LARP4B: variants seen among roughly 807,000 people sequenced by gnomAD.
The protein encoded by LARP4B is La ribonucleoprotein 4B.
Under a neutral mutation model 89.8 loss-of-function variants are expected in LARP4B, and 12 were observed. That is an observed-to-expected ratio of 0.13 (90% CI 0.09 to 0.22). LARP4B has a LOEUF of 0.22. LARP4B is among the 10% of genes least tolerant of loss of function. LARP4B has a pLI of 1.00. For synonymous variants in LARP4B, 367 were observed against 363.3 expected, an observed-to-expected ratio of 1.01 and a Z score of -0.12; for missense variants, 757 against 947.7, an observed-to-expected ratio of 0.80 and a Z score of 2.64.
At chr10:948,991 C>T in the LARP4B span, among the ~76,000 whole-genome samples, 2 of 152,344 alleles carry the variant, frequency 1.3e-5, no homozygotes, top group African/African-American at 4.8e-5. Context: ...GAACGTCAGT[C>T]TTCGTTTTCT....
chr10:862,464 G>A (rs369800096), intron 5 of LARP4B, among the ~76,000 whole-genome samples: 2 of 152,118 alleles, frequency 1.3e-5, no homozygotes, highest in South Asian at 4.1e-4. Flanking sequence ...CAAGTGGGGT[G>A]GGGGAGGGGA....
At chr10:885,188 G>A (rs1287908457) in intron 2 of LARP4B, among the ~76,000 whole-genome samples, 1 of 152,144 alleles carries the variant, frequency 6.6e-6, no homozygotes, top group Non-Finnish European at 1.5e-5. Flanking sequence ...GCCCTGCTCT[G>A]TACCAGGAGC....
intron 3 of LARP4B, among the ~76,000 whole-genome samples, chr10:869,729 CA>C (rs1364592367): frequency 1.3e-5 from 2 of 151,586 alleles, no homozygotes; most frequent in African/African-American, 4.8e-5. Context: ...TCTAAAAATA[CA>C]AAAATTAGCC....
chr10:840,483 T>G (rs1833470979), intron 7 of LARP4B, among the ~76,000 whole-genome samples: 1 of 152,212 alleles, frequency 6.6e-6, no homozygotes, highest in African/African-American at 2.4e-5. Flanking sequence ...ACATTATAAT[T>G]TTAAAATTTA....
chr10:914,308 A>C (rs757962188), intron 1 of LARP4B, among the ~76,000 whole-genome samples: 28 of 152,166 alleles, frequency 1.8e-4, no homozygotes, highest in Non-Finnish European at 3.4e-4. Flanking sequence ...AGATGTAAGG[A>C]AAGTTGAAAA....
chr10:875,339 T>C (rs1034142198), intron 3 of LARP4B, among the ~76,000 whole-genome samples: 4 of 152,206 alleles, frequency 2.6e-5, no homozygotes, highest in East Asian at 3.8e-4. Context: ...CTTTAAGTAG[T>C]TGGAATAGAA....
chr10:919,017 T>C (rs1177964211), intron 1 of LARP4B, among the ~76,000 whole-genome samples: 1 of 150,774 alleles, frequency 6.6e-6, no homozygotes, highest in African/African-American at 2.4e-5. Context: ...AGAGGCGGAG[T>C]TTGCAGTGAG....
At chr10:841,579 T>C (rs994520621) in intron 7 of LARP4B, among the ~76,000 whole-genome samples, 1 of 152,216 alleles carries the variant, frequency 6.6e-6, no homozygotes, top group African/African-American at 2.4e-5. Flanking sequence ...GCAGCAGCGT[T>C]TGCAAGGTCT....
intron 1 of LARP4B, among the ~76,000 whole-genome samples, chr10:919,162 T>C (rs1026957067): frequency 6.6e-6 from 1 of 152,176 alleles, no homozygotes; most frequent in Non-Finnish European, 1.5e-5. Context: ...TTTAAATAAT[T>C]AAGTTATTAA....
intron 8 of LARP4B, 46 bp downstream of exon 8, chr10:836,357 C>A: frequency 1.5e-6 from 2 of 1,329,828 alleles, no homozygotes; most frequent in Admixed American, 1.9e-5. Context: ...CCAACAAAGA[C>A]CTTTGGGAAA....
At chr10:892,083 A>G (rs1364874051) in intron 1 of LARP4B, among the ~76,000 whole-genome samples, 2 of 152,264 alleles carry the variant, frequency 1.3e-5, no homozygotes, top group Admixed American at 6.5e-5. Flanking sequence ...GGAGAAAAGA[A>G]TCCTCCAGCC....
the LARP4B span, among the ~76,000 whole-genome samples, chr10:978,316 T>G: frequency 6.6e-6 from 1 of 152,232 alleles, no homozygotes; most frequent in Non-Finnish European, 1.5e-5. Flanking sequence ...TTTCTCTTTG[T>G]AAGTCAATTT....
rs373937631 is a variant in LARP4B at position 885,717 on chromosome 10, G to A, written c.5C>T (p.Thr2Ile). The A allele has an allele frequency of 6.2e-7, 1 of 1,613,838 alleles. No homozygotes were observed. The highest frequency in any genetic ancestry group is 8.5e-7 in the Non-Finnish European group (1 of 1,179,784). Residue 2 changes from threonine to isoleucine, a missense_variant, in exon 2 of 18, where the codon ACT (threonine) becomes ATT (isoleucine). Coordinates refer to ENST00000316157, the MANE Select transcript of LARP4B (RefSeq NM_015155.3). ...CACAACCTTAGCGTCCTGATCAGAAGTCATGGGCTCCACTGGGAGAAGTGT... is the reference window on the plus strand; with the variant it reads ...CACAACCTTAGCGTCCTGATCAGAAATCATGGGCTCCACTGGGAGAAGTGT... M[T>I]SDQDAKVVAE...
At chr10:836,225 T>C (rs1484491365) in intron 8 of LARP4B, among the ~76,000 whole-genome samples, 178 bp downstream of exon 8, 1 of 152,162 alleles carries the variant, frequency 6.6e-6, no homozygotes, top group Non-Finnish European at 1.5e-5. Flanking sequence ...AAAGGTTTGG[T>C]TATCATTCCC....
chr10:850,762 A>G (rs1486811885), intron 5 of LARP4B, among the ~76,000 whole-genome samples: 2 of 152,226 alleles, frequency 1.3e-5, no homozygotes, highest in Non-Finnish European at 2.9e-5. Context: ...CAAGTCATAC[A>G]AAGTATGTTC....
At chr10:840,279 G>A (rs1833459391) in intron 7 of LARP4B, among the ~76,000 whole-genome samples, 1 of 152,128 alleles carries the variant, frequency 6.6e-6, no homozygotes, top group Non-Finnish European at 1.5e-5. Context: ...GACACCCTCT[G>A]CACTTCATGC....
chr10:869,900 A>T (rs1000940536), intron 3 of LARP4B: 7 of 220,998 alleles, frequency 3.2e-5, no homozygotes, highest in African/African-American at 2.4e-4. Context: ...CTGTCTCAAA[A>T]AATAAATAAT....
chr10:874,014 C>A (rs963848588), intron 3 of LARP4B, among the ~76,000 whole-genome samples: 1 of 152,088 alleles, frequency 6.6e-6, no homozygotes, highest in African/African-American at 2.4e-5. Flanking sequence ...GGTGGATCAC[C>A]AGAGGTCAGG....
intron 3 of LARP4B, among the ~76,000 whole-genome samples, chr10:867,862 G>GGAAAAA (rs1462340173): frequency 1.4e-4 from 6 of 43,354 alleles, no homozygotes; most frequent in African/African-American, 5.5e-4. Context: ...CTCCATCCTT[G>GGAAAAA]AAAAAAAAAA....
Sources: gnomAD v4.1 joint callset for allele counts (sites outside exome capture counted in the v4.1 genomes callset) on GRCh38, gnomAD v4.1.1 for gene constraint, MANE v1.5 for transcripts, NCBI Gene and HGNC (gene_info 2026-07-23, HGNC 2026-07-21) for gene names.